CALCRL: variants seen among roughly 807,000 people sequenced by gnomAD.
The protein encoded by CALCRL is calcitonin receptor like receptor.
Under a neutral mutation model 60.4 loss-of-function variants are expected in CALCRL, and 27 were observed. That is an observed-to-expected ratio of 0.45 (90% confidence interval 0.33 to 0.62). The LOEUF (loss-of-function observed/expected upper bound fraction) is 0.62. Among genes scored for constraint, CALCRL ranks in the 20% least tolerant of loss-of-function variants. The pLI is 0.03. For synonymous variants in CALCRL, 190 were observed against 182.6 expected (o/e 1.04, Z -0.33); for missense variants, 424 against 540.7 (o/e 0.78, Z 2.14).
chr2:187,382,901 G>C (rs962715763), intron 5 of CALCRL, among the ~76,000 whole-genome samples: 31 of 151,538 alleles, frequency 2.0e-4, no homozygotes, highest in African/African-American at 7.5e-4. Context: ...TTGTGTTTTT[G>C]TGTTAATATT....
Position 187,392,183 on chromosome 2 carries a change from A to G in CALCRL, c.-292-4427T>C, listed in dbSNP as rs183949232. On this transcript the variant is annotated intron_variant, in intron 1 of 14. Transcript: ENST00000392370. ...AATAATTCTTATTTTTCATTGAGTC[A>G]CCTAGCCCTAATATTGAAAGTGTAT... is the stretch of plus-strand genomic sequence containing the variant. Among the ~76,000 whole-genome samples the G allele has an allele frequency of 1.8e-4, 28 of 152,218 alleles. No individual in the cohort carries two copies. The East Asian group carries it at 4.4e-3, about 24-fold the overall frequency.
chr2:187,404,914 G>T lies in CALCRL; in HGVS notation c.-292-17158C>A, dbSNP rs558001180. On this transcript the variant is annotated intron_variant, in intron 1 of 14. Transcript: ENST00000392370. ...ACCAGAGGAAAAAAAAGATAGAGCAGTAGGAAGCGAGACACAGGGCAGAGA... is the reference window on the plus strand; with the variant it reads ...ACCAGAGGAAAAAAAAGATAGAGCATTAGGAAGCGAGACACAGGGCAGAGA... Among the ~76,000 whole-genome samples the T allele has an allele frequency of 2.0e-5, 3 of 152,022 alleles. No individual in the cohort carries two copies. The South Asian group carries it at 6.2e-4, about 32-fold the overall frequency.
intron 9 of CALCRL, among the ~76,000 whole-genome samples, chr2:187,361,329 G>A (rs1407348278): frequency 6.6e-6 from 1 of 151,822 alleles, no homozygotes; most frequent in African/African-American, 2.4e-5. Flanking sequence ...TTTTCCTGAG[G>A]TCTCCATTTT....
Position 187,345,544 on chromosome 2 carries a change from A to G in CALCRL, c.*640T>C, listed in dbSNP as rs1220078336. The G allele has an allele frequency of 6.6e-6, 1 of 152,136 alleles. No individual in the cohort carries two copies. The highest frequency in any genetic ancestry group is 1.5e-5 in the Non-Finnish European group (1 of 67,874). 9.4% of individuals were successfully genotyped at this position (152,136 alleles called of 1,614,324 possible). A position where few individuals can be genotyped will look rare whatever the true frequency, so the allele number is the denominator to read the frequency against. On this transcript the variant is annotated 3_prime_UTR_variant, in exon 15 of 15. Coordinates refer to ENST00000392370, the MANE Select transcript of CALCRL (RefSeq NM_005795.6). The stretch of plus-strand genomic sequence containing the variant: ...TTCCACAATGGATATGCCACAAGAT[A>G]TAACTGATGTGTCAGCAAATGAGTA...
intron 7 of CALCRL, 88 bp downstream of exon 7, chr2:187,380,379 G>A (rs978432776): frequency 5.6e-6 from 4 of 708,364 alleles, no homozygotes; most frequent in Admixed American, 2.3e-5. Flanking sequence ...ATGGAATAAT[G>A]ACTTTATTTT....
chr2:187,407,613 T>C (rs1039772018), intron 1 of CALCRL, among the ~76,000 whole-genome samples: 1 of 152,106 alleles, frequency 6.6e-6, no homozygotes, highest in Non-Finnish European at 1.5e-5. Context: ...ACATTGACTT[T>C]TATATTACGA....
chr2:187,413,928 G>A (rs1689474779), intron 1 of CALCRL, among the ~76,000 whole-genome samples: 3 of 151,956 alleles, frequency 2.0e-5, no homozygotes, highest in Admixed American at 1.3e-4. Flanking sequence ...TGTAACTTGG[G>A]CAAATTATTT....
intron 8 of CALCRL, among the ~76,000 whole-genome samples, chr2:187,367,802 G>A (rs1421310495): frequency 6.6e-6 from 1 of 151,750 alleles, no homozygotes; most frequent in Non-Finnish European, 1.5e-5. Context: ...GGGGTTTGTG[G>A]GTCCAGATTG....
intron 1 of CALCRL, chr2:187,431,295 A>G (rs978246708): frequency 1.3e-5 from 2 of 155,064 alleles, no homozygotes; most frequent in Non-Finnish European, 2.9e-5. Flanking sequence ...TATATGCAAT[A>G]CCTGAAAGTA....
intron 1 of CALCRL, among the ~76,000 whole-genome samples, chr2:187,433,348 T>A (rs1690486244): frequency 6.6e-6 from 1 of 152,102 alleles, no homozygotes; most frequent in African/African-American, 2.4e-5. Flanking sequence ...ATGTAAATGG[T>A]CACTTCTGGC....
chr2:187,438,803 C>T (rs1426832452), intron 1 of CALCRL, among the ~76,000 whole-genome samples: 2 of 152,164 alleles, frequency 1.3e-5, no homozygotes, highest in African/African-American at 2.4e-5. Flanking sequence ...AAGTATATTA[C>T]AGGAAGCATC....
chr2:187,351,284 C>CGAAAAAAAAAAAAAA (rs1686516873), intron 14 of CALCRL, among the ~76,000 whole-genome samples: 1 of 116,024 alleles, frequency 8.6e-6, no homozygotes, highest in Non-Finnish European at 1.9e-5. Context: ...GACTCCGTCT[C>CGAAAAAAAAAAAAAA]AAAAAAAAAA....
intron 13 of CALCRL, 69 bp downstream of exon 13, chr2:187,352,045 G>C: frequency 1.9e-6 from 3 of 1,538,756 alleles, no homozygotes; most frequent in Non-Finnish European, 2.7e-6. Context: ...GTAGTCAGGA[G>C]TAAACCAAAG....
intron 2 of CALCRL, 50 bp from the exon 3 acceptor site, chr2:187,387,543 T>A (rs1688259155): frequency 2.8e-6 from 1 of 361,680 alleles, no homozygotes; most frequent in Non-Finnish European, 4.9e-6. Flanking sequence ...TTAATTTTAA[T>A]AAAAGTAGTG....
chr2:187,376,764 C>T lies in CALCRL; in HGVS notation c.500+2176G>A, dbSNP rs148035877. The stretch of plus-strand genomic sequence containing the variant: ...TAGAAACCATTGTCCTTCCCTGTAG[C>T]CACTGGTTTTGACAGGCAAATGTAA... On this transcript the variant is annotated intron_variant, in intron 8 of 14. Transcript: ENST00000392370. Among the ~76,000 whole-genome samples, 1,080 of 152,196 alleles carry T rather than the reference C, an allele frequency of 7.1e-3. 7 individuals are homozygous for T. Among genetic ancestry groups the T allele is most frequent in the African/African-American group, 7.3e-3 (305 of 41,566 alleles).
At chr2:187,420,483 T>C (rs1364592597) in intron 1 of CALCRL, among the ~76,000 whole-genome samples, 1 of 152,068 alleles carries the variant, frequency 6.6e-6, no homozygotes, top group Non-Finnish European at 1.5e-5. Flanking sequence ...AAATTTTTTT[T>C]AAGTTTTTTA....
intron 1 of CALCRL, among the ~76,000 whole-genome samples, chr2:187,398,181 T>C (rs1431736474): frequency 6.6e-6 from 1 of 151,626 alleles, no homozygotes; most frequent in Non-Finnish European, 1.5e-5. Context: ...AGATCTAATA[T>C]GGAAAGAATT....
At chr2:187,410,530 G>T (rs1021271593) in intron 1 of CALCRL, among the ~76,000 whole-genome samples, 1 of 152,196 alleles carries the variant, frequency 6.6e-6, no homozygotes, top group Non-Finnish European at 1.5e-5. Flanking sequence ...TGAGAGAGAA[G>T]GGAAATATGA....
At chr2:187,347,563 TC>T (rs1053098528) in intron 14 of CALCRL, among the ~76,000 whole-genome samples, 4 of 151,800 alleles carry the variant, frequency 2.6e-5, no homozygotes, top group African/African-American at 9.7e-5. Context: ...TGTATACAAA[TC>T]AATATTAAAT....
Sources: gnomAD v4.1 joint callset for allele counts (sites outside exome capture counted in the v4.1 genomes callset) on GRCh38, gnomAD v4.1.1 for gene constraint, MANE v1.5 for transcripts, NCBI Gene and HGNC (gene_info 2026-07-23, HGNC 2026-07-21) for gene names.